The following MYO1D variants were observed in gnomAD, a reference collection of about 807,000 sequenced individuals.
MYO1D encodes myosin ID.
Under a neutral mutation model 122.0 loss-of-function variants are expected in MYO1D, and 83 were observed. That is an observed-to-expected ratio of 0.68 (90% CI 0.57 to 0.82). The LOEUF is 0.82. Ranked by LOEUF, MYO1D falls within the 40% of genes least tolerant of loss-of-function variation. MYO1D has a pLI of 0.00. For missense variants in MYO1D, 1,157 were observed against 1,269.5 expected (o/e 0.91, Z 1.35); for synonymous variants, 464 against 446.9 (o/e 1.04, Z -0.48).
chr17:32,803,392 C>T (rs893521232), intron 1 of MYO1D, among the ~76,000 whole-genome samples: 2 of 152,210 alleles, frequency 1.3e-5, no homozygotes, highest in East Asian at 1.9e-4. Context: ...CTGATCTGCC[C>T]GCCTCGTCCT....
At chr17:32,815,582 C>T (rs539412573) in intron 1 of MYO1D, among the ~76,000 whole-genome samples, 7 of 152,202 alleles carry the variant, frequency 4.6e-5, no homozygotes, top group African/African-American at 1.7e-4. Flanking sequence ...TCTTCCCTCT[C>T]GTAGATTTGC....
At position 32,551,118 on chromosome 17, in the gene MYO1D, A is replaced by G. The variant is rs144187572; in HGVS notation, c.2864+53969T>C. On this transcript the variant is annotated intron_variant, in intron 21 of 21. Transcript: ENST00000318217. ...TGACACTGAAAGTATTTTATTCACT[A>G]TAACTAAACATTGAGTGGCTGGTAG... Among the ~76,000 whole-genome samples the G allele has an allele frequency of 2.4e-3, 370 of 152,350 alleles. 1 individual carries two copies. The highest frequency in any genetic ancestry group is 8.2e-3 in the African/African-American group (339 of 41,576).
At chr17:32,656,940 G>T (rs901020700) in intron 17 of MYO1D, among the ~76,000 whole-genome samples, 2 of 152,194 alleles carry the variant, frequency 1.3e-5, no homozygotes, top group African/African-American at 4.8e-5. Flanking sequence ...CAGTGGCTCA[G>T]GACAAGGTCT....
At chr17:32,588,762 C>T (rs1313408085) in intron 21 of MYO1D, among the ~76,000 whole-genome samples, 1 of 152,000 alleles carries the variant, frequency 6.6e-6, no homozygotes, top group Non-Finnish European at 1.5e-5. Flanking sequence ...CCAGCCTGGC[C>T]AACATGGTGA....
chr17:32,557,436 A>G, intron 21 of MYO1D, among the ~76,000 whole-genome samples: 1 of 152,004 alleles, frequency 6.6e-6, no homozygotes, highest in East Asian at 1.9e-4. Context: ...AGGTGGCCAA[A>G]CTGGGTGGGG....
intron 21 of MYO1D, among the ~76,000 whole-genome samples, chr17:32,548,492 G>A (rs1932906549): frequency 6.6e-6 from 1 of 151,762 alleles, no homozygotes; most frequent in African/African-American, 2.4e-5. Context: ...GAGGGAAAAT[G>A]AGAAGGGGCC....
intron 19 of MYO1D, among the ~76,000 whole-genome samples, chr17:32,641,719 G>A (rs1033078780): frequency 2.0e-5 from 3 of 152,188 alleles, no homozygotes; most frequent in African/African-American, 7.2e-5. Flanking sequence ...TGTGTTGGCT[G>A]CATAAATGTC....
rs71144833 is a variant in MYO1D, at chr17:32,532,723, CAAAA to C, written c.2865-37812_2865-37809del. On this transcript the variant is annotated intron_variant, in intron 21 of 21. Coordinates refer to ENST00000318217, the MANE Select transcript of MYO1D (RefSeq NM_015194.3). ...TGGGCGACAGAGTGAGACTCCGTCT[CAAAA>C]AAAAAAAAAAAAAAAACCAAACGAG... Among the ~76,000 whole-genome samples the C allele has an allele frequency of 1.0e-4, 10 of 99,658 alleles. No individual in the cohort carries two copies. The South Asian group carries it at 3.2e-3, about 32-fold the overall frequency. The allele number at this position is 99,658 out of a possible 152,430, so 65.4% of individuals were successfully genotyped here. A position where few individuals can be genotyped will look rare whatever the true frequency, so the allele number is the denominator to read the frequency against.
chr17:32,524,845 G>A (rs1381366158), intron 21 of MYO1D, among the ~76,000 whole-genome samples: 1 of 152,152 alleles, frequency 6.6e-6, no homozygotes, highest in Non-Finnish European at 1.5e-5. Flanking sequence ...ACAATCGTGA[G>A]CCACTGCGCC....
chr17:32,793,834 C>G (rs2090384237), intron 1 of MYO1D, among the ~76,000 whole-genome samples: 1 of 152,190 alleles, frequency 6.6e-6, no homozygotes, highest in Non-Finnish European at 1.5e-5. Context: ...GCCTCACTTT[C>G]TTCAACTGAT....
chr17:32,557,933 C>A (rs568589658), intron 21 of MYO1D, among the ~76,000 whole-genome samples: 2 of 151,612 alleles, frequency 1.3e-5, no homozygotes, highest in Non-Finnish European at 2.9e-5. Flanking sequence ...AAACTGTGGA[C>A]GTAAATGAAT....
chr17:32,509,648 G>A (rs756950165), intron 21 of MYO1D, among the ~76,000 whole-genome samples: 13 of 151,874 alleles, frequency 8.6e-5, no homozygotes, highest in African/African-American at 3.1e-4. Flanking sequence ...GCAGTGGTGC[G>A]ATCGATTCCG....
intron 1 of MYO1D, among the ~76,000 whole-genome samples, chr17:32,843,283 T>C (rs541884522): frequency 3.3e-5 from 5 of 152,162 alleles, no homozygotes; most frequent in South Asian, 2.1e-4. Flanking sequence ...AGAAAGACTA[T>C]TGACTTAAAG....
chr17:32,793,773 T>G (rs2090383324), intron 1 of MYO1D, among the ~76,000 whole-genome samples: 1 of 152,176 alleles, frequency 6.6e-6, no homozygotes, highest in Admixed American at 6.5e-5. Flanking sequence ...CTGGCTGCAG[T>G]TTAGCACTGA....
intron 1 of MYO1D, among the ~76,000 whole-genome samples, chr17:32,836,309 G>A (rs1346161091): frequency 6.6e-6 from 1 of 152,154 alleles, no homozygotes; most frequent in Non-Finnish European, 1.5e-5. Context: ...CTTGCTCAAG[G>A]CCATGTGTTA....
chr17:32,755,254 A>T (rs911292282), intron 11 of MYO1D, among the ~76,000 whole-genome samples: 3 of 152,214 alleles, frequency 2.0e-5, no homozygotes, highest in Admixed American at 6.5e-5. Flanking sequence ...GTTTCTACCA[A>T]ATTGCATAGT....
intron 21 of MYO1D, among the ~76,000 whole-genome samples, chr17:32,519,812 A>G (rs184411087): frequency 1.9e-3 from 296 of 152,192 alleles, no homozygotes; most frequent in Middle Eastern, 3.4e-3. Context: ...AGCTAAGGGT[A>G]CAGGATCAAT....
chr17:32,697,717 G>C (rs1345944449), intron 16 of MYO1D, among the ~76,000 whole-genome samples: 1 of 151,842 alleles, frequency 6.6e-6, no homozygotes, highest in Non-Finnish European at 1.5e-5. Flanking sequence ...ATCAACATCA[G>C]GGTTTTTTTT....
At chr17:32,772,549 C>A (rs937392710) in intron 5 of MYO1D, among the ~76,000 whole-genome samples, 1 of 152,202 alleles carries the variant, frequency 6.6e-6, no homozygotes, top group Non-Finnish European at 1.5e-5. Flanking sequence ...GGGATGCTCA[C>A]CCAAGGCAGT....
Sources: gnomAD v4.1 joint callset for allele counts (sites outside exome capture counted in the v4.1 genomes callset) on GRCh38, gnomAD v4.1.1 for gene constraint, MANE v1.5 for transcripts, NCBI Gene and HGNC (gene_info 2026-07-23, HGNC 2026-07-21) for gene names.